RENBP: variants seen among roughly 807,000 people sequenced by gnomAD.
RENBP encodes renin binding protein.
A neutral mutation model predicts 37.8 loss-of-function variants in RENBP; 16 were observed. The ratio of observed to expected loss-of-function variants is 0.42; its 90% CI spans 0.29 to 0.64. The LOEUF (loss-of-function observed/expected upper bound fraction) is 0.64, where lower values mean the gene tolerates loss of function less well. RENBP is among the 30% of genes least tolerant of loss of function. The pLI is 0.19. For synonymous variants in RENBP, 170 were observed against 154.8 expected, an observed-to-expected ratio of 1.10 and a Z score of -0.73; for missense variants, 347 against 379.5, an observed-to-expected ratio of 0.91 and a Z score of 0.71.
At chrX:153,942,526 C>T (rs1603292275) in intron 6 of RENBP, 8 of 288,613 alleles carry the variant, frequency 2.8e-5, no homozygotes, top group East Asian at 2.0e-4. Flanking sequence ...CACGAGCCAC[C>T]GCGTCCAGCC....
chrX:153,943,855 G>A, intron 4 of RENBP, 40 bp downstream of exon 4: 1 of 1,168,944 alleles, frequency 8.6e-7, no homozygotes, highest in Admixed American at 2.5e-5. Flanking sequence ...AGTAAACATG[G>A]ACGGAGTCAC....
intron 9 of RENBP, chrX:153,937,336 AAAG>A (rs1476194096): frequency 7.0e-5 from 8 of 113,858 alleles, no homozygotes; most frequent in African/African-American, 2.2e-4. Context: ...ACAGGAAGGT[AAAG>A]AAGAATTTCC....
In RENBP at chrX:153,940,002, CT is replaced by C. The variant is rs782694499; in HGVS notation, c.1077+99del. Reference sequence around the variant, plus strand: ...GGGGCTCCGGAAACTCTCAGACCAGCTGAGCGACTGTGCTCAGCGAGGGGGC... The same window carrying C: ...GGGGCTCCGGAAACTCTCAGACCAGCGAGCGACTGTGCTCAGCGAGGGGGC... On this transcript the variant is annotated intron_variant, in intron 9 of 10. Transcript: ENST00000393700. 5 of 1,025,292 alleles carry C rather than the reference CT, an allele frequency of 4.9e-6. No homozygotes were observed. The East Asian group carries it at 1.5e-4, about 32-fold the overall frequency. The allele number at this position is 1,025,292 out of a possible 1,213,427, so 84.5% of individuals were successfully genotyped here.
chrX:153,942,092 A>G (rs2269372), intron 6 of RENBP, 61 bp from the exon 7 acceptor site: 261,400 of 930,495 alleles, frequency 0.28, 36,362 homozygotes, highest in East Asian at 0.76. Context: ...CAGCCACCCA[A>G]CTAGAAAGAC....
chrX:153,936,632 C>T lies in RENBP; in HGVS notation c.1078-1056G>A, dbSNP rs782347241. On this transcript the variant is annotated intron_variant, in intron 9 of 10. Coordinates refer to ENST00000393700, the MANE Select transcript of RENBP (RefSeq NM_002910.6). ...ATTCCCGGCTTCACAGGCCTGTCTT[C>T]CAGTAGATGCACAATCTCATCTGAC... Among the ~76,000 whole-genome samples, 62 of 111,162 alleles carry T rather than the reference C, an allele frequency of 5.6e-4. 1 individual carries two copies. Among genetic ancestry groups the T allele is most frequent in the Non-Finnish European group, 4.3e-4 (23 of 52,945 alleles).
At chrX:153,942,535 C>T in intron 6 of RENBP, 1 of 310,596 alleles carries the variant, frequency 3.2e-6, no homozygotes, top group South Asian at 6.3e-5. Context: ...CCGCGTCCAG[C>T]CCGGGCCTAG....
intron 4 of RENBP, 67 bp downstream of exon 4, chrX:153,943,828 G>T: frequency 6.0e-6 from 7 of 1,168,791 alleles, no homozygotes; most frequent in Non-Finnish European, 6.9e-6. Flanking sequence ...TAGGAACTCC[G>T]CACATGTGCC....
rs782714754 is a variant in RENBP at position 153,935,324 on chromosome X, A to AGGGGGCGGGGGC, written c.1234_1245dup (p.Ala412_Pro415dup). Reference sequence around the variant, plus strand: ...CGGCAGGCGGGGGTGGGGGCGGGGGAGGGGGCGGGGGCGGGGCGGCTCAGC... The same window carrying AGGGGGCGGGGGC: ...CGGCAGGCGGGGGTGGGGGCGGGGGAGGGGGCGGGGGCGGGGGCGGGGGCGGGGCGGCTCAGC... On this transcript the variant is annotated inframe_insertion, in exon 11 of 11. Coordinates refer to ENST00000393700, the MANE Select transcript of RENBP (RefSeq NM_002910.6). 1.4e-6 allele frequency: 1 copy of AGGGGGCGGGGGC among 701,069 alleles called. No homozygotes were observed. The highest frequency in any genetic ancestry group is 1.9e-6 in the Non-Finnish European group (1 of 521,334). The allele number at this position is 701,069 out of a possible 1,213,427, so 57.8% of individuals were successfully genotyped here. A position where few individuals can be genotyped will look rare whatever the true frequency, so the allele number is the denominator to read the frequency against.
intron 7 of RENBP, 29 bp downstream of exon 7, chrX:153,941,921 G>C (rs1385965121): frequency 2.2e-6 from 2 of 909,611 alleles, no homozygotes; most frequent in Non-Finnish European, 3.2e-6. Context: ...CCTCCTCCTG[G>C]GTGGCCCCCA....
rs371585741 is a variant in RENBP, at chrX:153,941,658, T to C, written c.770-5A>G. ...AGCCGGCTTCCAGCGTGTGGCCTGG[T>C]GAGGGGTGGAGTACGGAAGGGCGGG... On this transcript the variant is annotated splice_polypyrimidine_tract_variant and splice_region_variant and intron_variant, in intron 7 of 10. Transcript: ENST00000393700. 14 of 820,671 alleles carry C rather than the reference T, an allele frequency of 1.7e-5. No individual in the cohort carries two copies. In the African/African-American group the frequency reaches 2.7e-4, roughly 16 times the overall value. The allele number at this position is 820,671 out of a possible 1,213,427, so 67.6% of individuals were successfully genotyped here. A position where few individuals can be genotyped will look rare whatever the true frequency, so the allele number is the denominator to read the frequency against.
intron 8 of RENBP, among the ~76,000 whole-genome samples, chrX:153,940,865 T>C (rs1452517482): frequency 9.0e-6 from 1 of 111,184 alleles, no homozygotes; most frequent in Non-Finnish European, 1.9e-5. Context: ...ACCAGCCGGG[T>C]GCGGTGGCTC....
Position 153,935,472 on chromosome X carries a change from C to T in RENBP, c.1165+17G>A, listed in dbSNP as rs782051268. ...GAGAGGCGCAACCCCTGCGGCCCCGCCCTCTCCCCCACTCACCTTTGAAAG... is the reference window on the plus strand; with the variant it reads ...GAGAGGCGCAACCCCTGCGGCCCCGTCCTCTCCCCCACTCACCTTTGAAAG... On this transcript the variant is annotated intron_variant, in intron 10 of 10. Transcript: ENST00000393700. 1.2e-4 allele frequency: 140 copies of T among 1,186,909 alleles called. No homozygotes were observed. Among genetic ancestry groups the T allele is most frequent in the Non-Finnish European group, 1.6e-4 (138 of 876,192 alleles).
In RENBP at chrX:153,935,312, TGGGGGCGGGGGAGGGGGC is replaced by T. The variant is rs782419814; in HGVS notation, c.1240_1257del (p.Ala414_Pro419del). 6.3e-5 allele frequency: 46 copies of T among 726,108 alleles called. No homozygotes were observed. Among genetic ancestry groups the T allele is most frequent in the African/African-American group, 4.8e-4 (13 of 26,964 alleles). The allele number at this position is 726,108 out of a possible 1,213,427, so 59.8% of individuals were successfully genotyped here. A position where few individuals can be genotyped will look rare whatever the true frequency, so the allele number is the denominator to read the frequency against. ...TATTCCGCGCCTCGGCAGGCGGGGG[TGGGGGCGGGGGAGGGGGC>T]GGGGGCGGGGCGGCTCAGCAGGGCG... On this transcript the variant is annotated inframe_deletion, in exon 11 of 11. Transcript: ENST00000393700.
intron 7 of RENBP, 83 bp from the exon 8 acceptor site, chrX:153,941,736 C>A (rs1406156396): frequency 1.2e-6 from 1 of 810,681 alleles, no homozygotes; most frequent in Admixed American, 3.0e-5. Context: ...GCCCCTGGCA[C>A]CTCTCTGCTC....
At chrX:153,938,196 C>A (rs1373618329) in intron 9 of RENBP, among the ~76,000 whole-genome samples, 4 of 112,508 alleles carry the variant, frequency 3.6e-5, no homozygotes, top group Non-Finnish European at 7.5e-5. Context: ...AACCCTGCTG[C>A]TTTGGAAGTA....
At position 153,941,950 on chromosome X, in the gene RENBP, C is replaced by CCCCCGGG; in HGVS notation, c.768_769insCCCGGGG (p.Gly257ProfsTer30). 7.1e-6 allele frequency: 8 copies of CCCCCGGG among 1,130,528 alleles called. No homozygotes were observed. The highest frequency in any genetic ancestry group is 9.7e-6 in the Non-Finnish European group (8 of 823,115). 93.2% of individuals were successfully genotyped at this position (1,130,528 alleles called of 1,213,427 possible). A position where few individuals can be genotyped will look rare whatever the true frequency, so the allele number is the denominator to read the frequency against. Reference sequence around the variant, plus strand: ...GCCCCCAGCCCACCCCGCCCCTCACCTGGGTTCTGCTGTCTCCCCAGGCAG... The same window carrying CCCCCGGG: ...GCCCCCAGCCCACCCCGCCCCTCACCCCCCGGGTGGGTTCTGCTGTCTCCCCAGGCAG... On this transcript the variant is annotated frameshift_variant and splice_region_variant, in exon 7 of 11. Coordinates refer to ENST00000393700, the MANE Select transcript of RENBP (RefSeq NM_002910.6). LOFTEE classifies it high-confidence loss of function.
intron 9 of RENBP, among the ~76,000 whole-genome samples, chrX:153,938,783 T>TTTTTTG (rs2065213549): frequency 1.4e-5 from 1 of 69,915 alleles, no homozygotes; most frequent in African/African-American, 8.1e-5. Flanking sequence ...ATCTGTACTG[T>TTTTTTG]TTTTTTTTTT....
intron 8 of RENBP, 129 bp from the exon 9 acceptor site, chrX:153,940,362 AC>A (rs2065221017): frequency 1.2e-6 from 1 of 808,687 alleles, no homozygotes; most frequent in East Asian, 3.3e-5. Context: ...GTTCTGAAGG[AC>A]CCCTCCCAGT....
chrX:153,942,137 C>T, intron 6 of RENBP, 106 bp from the exon 7 acceptor site: 1 of 620,076 alleles, frequency 1.6e-6, no homozygotes, highest in Non-Finnish European at 2.6e-6. Flanking sequence ...CTCCCTCTTA[C>T]CCAAGCCCCT....
Sources: allele counts gnomAD v4.1 joint callset (sites outside exome capture counted in the v4.1 genomes callset), GRCh38; gene constraint gnomAD v4.1.1; transcripts MANE v1.5; gene names NCBI Gene and HGNC (gene_info 2026-07-23, HGNC 2026-07-21).